Variants in COL22A1 observed in about 807,000 individuals in gnomAD.
COL22A1 encodes collagen alpha-1(XXII) chain.
COL22A1 carries 221 observed loss-of-function variants against 248.9 expected under a neutral mutation model. The observed-to-expected ratio is 0.89, with a 90% CI of 0.80 to 0.99. The LOEUF is 0.99. Among genes scored for constraint, COL22A1 ranks in the 50% least tolerant of loss-of-function variants. The pLI is 0.00. For missense variants in COL22A1, 2,240 were observed against 2,179.0 expected, an observed-to-expected ratio of 1.03 and a Z score of -0.56; for synonymous variants, 891 against 793.4, an observed-to-expected ratio of 1.12 and a Z score of -2.07.
chr8:138,737,820 A>G (rs1477929734), intron 22 of COL22A1, among the ~76,000 whole-genome samples: 2 of 152,100 alleles, frequency 1.3e-5, no homozygotes, highest in African/African-American at 4.8e-5. Flanking sequence ...TCGGTAACTC[A>G]TGGACCCATG....
chr8:138,672,527 G>A (rs564512613), intron 41 of COL22A1, among the ~76,000 whole-genome samples: 1 of 152,308 alleles, frequency 6.6e-6, no homozygotes, highest in East Asian at 1.9e-4. Flanking sequence ...CCCACTGGAG[G>A]GCAGGGAGCC....
chr8:138,705,309 C>T (rs941453197), intron 30 of COL22A1, among the ~76,000 whole-genome samples: 1 of 152,134 alleles, frequency 6.6e-6, no homozygotes. Flanking sequence ...TCGAGAAGAG[C>T]AACTCCAAGA....
chr8:138,795,069 TACC>T (rs1489359885), intron 12 of COL22A1, among the ~76,000 whole-genome samples: 2 of 152,068 alleles, frequency 1.3e-5, no homozygotes, highest in Non-Finnish European at 2.9e-5. Context: ...TGAGTGTCCT[TACC>T]ACAATTAAAT....
chr8:138,910,243 G>A (rs762830309), intron 1 of COL22A1, among the ~76,000 whole-genome samples: 8 of 152,228 alleles, frequency 5.3e-5, no homozygotes, highest in East Asian at 1.9e-4. Flanking sequence ...AAGAGATGTC[G>A]GTCTGGCCAC....
intron 22 of COL22A1, among the ~76,000 whole-genome samples, chr8:138,743,375 T>TTGA (rs371423124): frequency 3.5e-3 from 470 of 132,932 alleles, no homozygotes; most frequent in African/African-American, 0.014. Flanking sequence ...GATGGTAGAG[T>TTGA]TGATGATGGT....
chr8:138,650,996 G>C lies in COL22A1; in HGVS notation c.3334-1218C>G, dbSNP rs1822680607. ...TGCAAAAATACGCGGAAGCTGCACTGTTCATAGTCCATGAGGTGAAGCTGC... is the reference window on the plus strand; with the variant it reads ...TGCAAAAATACGCGGAAGCTGCACTCTTCATAGTCCATGAGGTGAAGCTGC... On this transcript the variant is annotated intron_variant, in intron 45 of 64. Transcript: ENST00000303045. Among the ~76,000 whole-genome samples, 3 of 152,152 alleles carry C rather than the reference G, an allele frequency of 2.0e-5. No homozygotes were observed. The South Asian group carries it at 6.2e-4, about 32-fold the overall frequency.
chr8:138,729,416 A>C (rs113811667), intron 23 of COL22A1, among the ~76,000 whole-genome samples: 2,209 of 152,238 alleles, frequency 0.015, 49 homozygotes, highest in African/African-American at 0.048. Flanking sequence ...GACCACAGCA[A>C]CTGGTTCCAT....
chr8:138,819,277 T>C (rs1369130051), intron 7 of COL22A1, among the ~76,000 whole-genome samples: 1 of 152,174 alleles, frequency 6.6e-6, no homozygotes, highest in African/African-American at 2.4e-5. Context: ...TTGCAGCATG[T>C]ATAACAAATA....
At chr8:138,826,820 T>C (rs928323129) in intron 5 of COL22A1, 39 bp from the exon 6 acceptor site, 2 of 1,610,372 alleles carry the variant, frequency 1.2e-6, no homozygotes, top group Non-Finnish European at 1.7e-6. Context: ...GGCTTGGCGA[T>C]GAGAGCAGGG....
intron 50 of COL22A1, among the ~76,000 whole-genome samples, chr8:138,628,583 C>T (rs1018755176): frequency 1.3e-5 from 2 of 152,154 alleles, no homozygotes; most frequent in Non-Finnish European, 2.9e-5. Flanking sequence ...TACCAGTGCT[C>T]ACTGGGCAAA....
At chr8:138,751,539 G>A (rs1166565563) in intron 21 of COL22A1, 28 bp from the exon 22 acceptor site, 2 of 1,548,564 alleles carry the variant, frequency 1.3e-6, no homozygotes, top group Admixed American at 3.5e-5. Context: ...AGGAAAAAGA[G>A]AGAGAAACAT....
intron 41 of COL22A1, 123 bp from the exon 42 acceptor site, chr8:138,663,863 A>G: frequency 2.7e-6 from 2 of 740,128 alleles, no homozygotes; most frequent in Non-Finnish European, 4.8e-6. Flanking sequence ...ACTTCCTCCC[A>G]CCTTGAAGCC....
chr8:138,714,062 T>A (rs1022235649), intron 30 of COL22A1, among the ~76,000 whole-genome samples: 6 of 152,204 alleles, frequency 3.9e-5, no homozygotes, highest in Non-Finnish European at 7.3e-5. Flanking sequence ...AGAGTAGGCA[T>A]ACATCCTCTG....
At chr8:138,875,074 C>A (rs1823613238) in intron 3 of COL22A1, among the ~76,000 whole-genome samples, 1 of 152,130 alleles carries the variant, frequency 6.6e-6, no homozygotes, top group African/African-American at 2.4e-5. Flanking sequence ...ATAAGGCAAG[C>A]CAAGAACAGA....
At chr8:138,743,749 G>A (rs993969486) in intron 22 of COL22A1, among the ~76,000 whole-genome samples, 2 of 152,122 alleles carry the variant, frequency 1.3e-5, no homozygotes, top group African/African-American at 4.8e-5. Flanking sequence ...TGGATTAAGT[G>A]TTTGTAATTT....
At chr8:138,695,054 A>C (rs1024882769) in intron 32 of COL22A1, among the ~76,000 whole-genome samples, 175 bp from the exon 33 acceptor site, 3 of 152,144 alleles carry the variant, frequency 2.0e-5, no homozygotes, top group African/African-American at 7.2e-5. Context: ...CCTACTCCCC[A>C]GGACTGATTC....
At chr8:138,693,603 C>T (rs1490026569) in intron 35 of COL22A1, 43 bp downstream of exon 35, 1 of 1,554,654 alleles carries the variant, frequency 6.4e-7, no homozygotes, top group East Asian at 2.4e-5. Context: ...CGGGGCCTCC[C>T]TCCGGGGCTC....
At chr8:138,804,082 C>A (rs1420148144) in intron 10 of COL22A1, among the ~76,000 whole-genome samples, 4 of 152,210 alleles carry the variant, frequency 2.6e-5, no homozygotes, top group Non-Finnish European at 5.9e-5. Flanking sequence ...CTATCCCAAT[C>A]CTCTCTTTCC....
chr8:138,862,759 G>GTTTTTTT (rs55690333), intron 3 of COL22A1, among the ~76,000 whole-genome samples: 1 of 145,792 alleles, frequency 6.9e-6, no homozygotes. Flanking sequence ...AAGATACAAG[G>GTTTTTTT]TTTTTTTTTT....
Sources: allele counts gnomAD v4.1 joint callset (sites outside exome capture counted in the v4.1 genomes callset), GRCh38; gene constraint gnomAD v4.1.1; transcripts MANE v1.5; gene names NCBI Gene and HGNC (gene_info 2026-07-23, HGNC 2026-07-21).